Variants in CCDC187 observed in about 807,000 individuals in gnomAD.
CCDC187 encodes coiled-coil domain-containing protein 187.
CCDC187 carries 32 observed loss-of-function variants against 38.0 expected under a neutral mutation model. The ratio of observed to expected loss-of-function variants is 0.84; its 90% CI spans 0.64 to 1.13. CCDC187 has a LOEUF of 1.13. Among genes scored for constraint, CCDC187 ranks in the 50% most tolerant of loss-of-function variants. The pLI, the probability that CCDC187 is intolerant of heterozygous loss-of-function variation, is 0.00. For missense variants in CCDC187, 707 were observed against 786.8 expected (o/e 0.90, Z 1.21); for synonymous variants, 333 against 347.9 (o/e 0.96, Z 0.48).
intron 4 of CCDC187, chr9:136,295,732 G>C (rs1831518216): frequency 6.6e-6 from 1 of 152,186 alleles, no homozygotes; most frequent in Admixed American, 6.5e-5. Flanking sequence ...ACACTGTCAG[G>C]GTGACACGGT....
intron 4 of CCDC187, among the ~76,000 whole-genome samples, chr9:136,294,469 A>G (rs1241042223): frequency 6.6e-6 from 1 of 152,194 alleles, no homozygotes; most frequent in African/African-American, 2.4e-5. Context: ...GCCTGGGGTC[A>G]AGACCACTGT....
In CCDC187 at chr9:136,257,773, G is replaced by T. The variant is rs1451920596; in HGVS notation, c.4367-932C>A. Among the ~76,000 whole-genome samples, 1 of 152,250 alleles carries T rather than the reference G, an allele frequency of 6.6e-6. No individual in the cohort carries two copies. Reference sequence around the variant, plus strand: ...GGAAGCTCCATCAGTGGGAACACCTGCCCTCTTGTCCGTGGCTCCGGGTGA... The same window carrying T: ...GGAAGCTCCATCAGTGGGAACACCTTCCCTCTTGTCCGTGGCTCCGGGTGA... On this transcript the variant is annotated intron_variant, in intron 22 of 25. Coordinates refer to ENST00000638797, the MANE Select transcript of CCDC187 (RefSeq NM_001378188.1). This position sits in a 1 kb window ranked among gnomAD's most constrained non-coding sequence, Gnocchi z 4.5.
intron 6 of CCDC187, among the ~76,000 whole-genome samples, 179 bp downstream of exon 6, chr9:136,290,307 A>G (rs1831288092): frequency 6.6e-6 from 1 of 151,416 alleles, no homozygotes; most frequent in Non-Finnish European, 1.5e-5. Context: ...GGAGGCATCC[A>G]CAGAAGCTCT....
At chr9:136,261,919 A>G (rs1420470034) in intron 19 of CCDC187, among the ~76,000 whole-genome samples, 1 of 152,232 alleles carries the variant, frequency 6.6e-6, no homozygotes, top group Non-Finnish European at 1.5e-5. Context: ...AGCATCAGGA[A>G]GCCGGGAGGC....
chr9:136,250,625 G>A lies in CCDC187; in HGVS notation c.*2969C>T, dbSNP rs781847025. On this transcript the variant is annotated 3_prime_UTR_variant, in exon 26 of 26. Transcript: ENST00000638797. ...TGAGAAAGCTGTAGCTCAGCTCAAA[G>A]TTTGTTCTGAAATTGGGAGCATGGA... 3 of 403,560 alleles carry A rather than the reference G, an allele frequency of 7.4e-6. No individual in the cohort carries two copies. Among genetic ancestry groups the A allele is most frequent in the African/African-American group, 6.2e-5 (3 of 48,588 alleles). The allele number at this position is 403,560 out of a possible 1,614,324, so 25.0% of individuals were successfully genotyped here. A position where few individuals can be genotyped will look rare whatever the true frequency, so the allele number is the denominator to read the frequency against.
intron 18 of CCDC187, among the ~76,000 whole-genome samples, chr9:136,263,295 CAT>C (rs1554761223): frequency 3.5e-5 from 5 of 141,750 alleles, no homozygotes; most frequent in African/African-American, 5.2e-5. Flanking sequence ...AGTGCAGTGG[CAT>C]ATCTCGGCTC....
intron 18 of CCDC187, among the ~76,000 whole-genome samples, chr9:136,263,235 CTTT>C (rs35662036): frequency 1.1e-4 from 10 of 94,106 alleles, no homozygotes; most frequent in East Asian, 3.3e-4. Flanking sequence ...GGGCCACAGG[CTTT>C]TTTTTTTTTT....
In CCDC187 at chr9:136,259,431, G is replaced by C. The variant is rs1001396837; in HGVS notation, c.4228C>G (p.Arg1410Gly). ...HVSQEPGEQP[R>G]APLLGLQHVS... is the part of the protein sequence containing the mutation. Reference sequence around the variant, plus strand: ...TGCTGCAGGCCCAGCAGAGGGGCCCGAGGCTGCTCCCCAGGCTCTGAAAGA... The same window carrying C: ...TGCTGCAGGCCCAGCAGAGGGGCCCCAGGCTGCTCCCCAGGCTCTGAAAGA... The change falls in exon 21 of 26, where the codon CGG becomes GGG. Residue 1410 changes from arginine (R) to glycine (G), a missense_variant. Coordinates refer to ENST00000638797, the MANE Select transcript of CCDC187 (RefSeq NM_001378188.1). 1.0e-6 allele frequency: 1 copy of C among 985,530 alleles called. No homozygotes were observed. The highest frequency in any genetic ancestry group is 1.2e-6 in the Non-Finnish European group (1 of 830,130). The allele number at this position is 985,530 out of a possible 1,614,324, so 61.0% of individuals were successfully genotyped here. A position where few individuals can be genotyped will look rare whatever the true frequency, so the allele number is the denominator to read the frequency against.
Position 136,259,128 on chromosome 9 carries a change from G to A in CCDC187, c.4297-127C>T, listed in dbSNP as rs79765684. ...GGGGTGGATGGGGACAGCCGGGGGC[G>A]GACAGGGACAGATGGGGACAGGCAG... On this transcript the variant is annotated intron_variant, in intron 21 of 25. Transcript: ENST00000638797. 1,648 of 741,352 alleles carry A rather than the reference G, an allele frequency of 2.2e-3. 27 individuals carry two copies. The African/African-American group carries it at 0.028, about 13-fold the overall frequency. The allele number at this position is 741,352 out of a possible 1,614,324, so 45.9% of individuals were successfully genotyped here. A position where few individuals can be genotyped will look rare whatever the true frequency, so the allele number is the denominator to read the frequency against.
intron 20 of CCDC187, 104 bp from the exon 21 acceptor site, chr9:136,259,552 T>G: frequency 5.2e-6 from 2 of 386,566 alleles, no homozygotes; most frequent in South Asian, 1.1e-4. Context: ...GGGTGGGGGA[T>G]GGGGAGAGAC....
Position 136,251,016 on chromosome 9 carries a change from T to G in CCDC187, c.*2578A>C, listed in dbSNP as rs1554759301. ...CATCTTAGGGCTTTGCCACGCCAGC[T>G]TTGTGATGCCTCCCACCAGACTGCA... On this transcript the variant is annotated 3_prime_UTR_variant, in exon 26 of 26. Coordinates refer to ENST00000638797, the MANE Select transcript of CCDC187 (RefSeq NM_001378188.1). The G allele has an allele frequency of 4.4e-6, 2 of 456,256 alleles. No homozygotes were observed. Among genetic ancestry groups the G allele is most frequent in the Non-Finnish European group, 8.8e-6 (2 of 226,906 alleles). The allele number at this position is 456,256 out of a possible 1,614,324, so 28.3% of individuals were successfully genotyped here.
At position 136,256,160 on chromosome 9, in the gene CCDC187, C is replaced by T. The variant is rs1445972446; in HGVS notation, c.4616+51G>A. The stretch of plus-strand genomic sequence containing the variant: ...GGGGACAGGGGGTACCGGCTGAACC[C>T]GTCTCCGTGCCTCACGCTCCACCCC... On this transcript the variant is annotated intron_variant, in intron 24 of 25. Transcript: ENST00000638797. 8.6e-6 allele frequency: 8 copies of T among 935,256 alleles called. No homozygotes were observed. In the South Asian group the frequency reaches 2.5e-4, roughly 29 times the overall value. The allele number at this position is 935,256 out of a possible 1,614,324, so 57.9% of individuals were successfully genotyped here.
At position 136,290,810 on chromosome 9, in the gene CCDC187, C is replaced by T. The variant is rs2131305741; in HGVS notation, c.1803G>A (p.Leu601=). 1 of 398,532 alleles carries T rather than the reference C, an allele frequency of 2.5e-6. No individual in the cohort carries two copies. The highest frequency in any genetic ancestry group is 4.4e-6 in the Non-Finnish European group (1 of 225,986). 24.7% of individuals were successfully genotyped at this position (398,532 alleles called of 1,614,324 possible). A position where few individuals can be genotyped will look rare whatever the true frequency, so the allele number is the denominator to read the frequency against. Reference sequence around the variant, plus strand: ...GAGGGAAGCTCCCGGTGGGCCTTGGCAGGGCATGCTTGGCAGCCGAGACGG... The same window carrying T: ...GAGGGAAGCTCCCGGTGGGCCTTGGTAGGGCATGCTTGGCAGCCGAGACGG... ...GSPVSAAKHA[L]PRPTGSFPQN... The change falls in exon 6 of 26, where the codon CTG becomes CTA. Residue 601 remains leucine, a synonymous_variant. Coordinates refer to ENST00000638797, the MANE Select transcript of CCDC187 (RefSeq NM_001378188.1).
chr9:136,274,119 G>A (rs1830886740), intron 14 of CCDC187, among the ~76,000 whole-genome samples: 1 of 152,242 alleles, frequency 6.6e-6, no homozygotes, highest in Admixed American at 6.5e-5. Flanking sequence ...CCAGGGAGGG[G>A]TTCCTGTTCC....
chr9:136,281,952 C>T (rs1831054707), intron 9 of CCDC187, among the ~76,000 whole-genome samples: 1 of 152,136 alleles, frequency 6.6e-6, no homozygotes, highest in Non-Finnish European at 1.5e-5. Context: ...GGTGAAGCCA[C>T]CAGCCCACAT....
chr9:136,301,704 A>C (rs998345613), intron 2 of CCDC187, among the ~76,000 whole-genome samples: 12 of 148,796 alleles, frequency 8.1e-5, no homozygotes, highest in African/African-American at 3.0e-4. Context: ...CTCCTGCCTC[A>C]GCCTCCTGAG....
Position 136,258,251 on chromosome 9 carries a change from G to A in CCDC187, c.4366+681C>T, listed in dbSNP as rs992762879. Among the ~76,000 whole-genome samples the A allele has an allele frequency of 1.3e-5, 2 of 152,126 alleles. No individual in the cohort carries two copies. The highest frequency in any genetic ancestry group is 1.9e-4 in the East Asian group (1 of 5,186). On this transcript the variant is annotated intron_variant, in intron 22 of 25. Coordinates refer to ENST00000638797, the MANE Select transcript of CCDC187 (RefSeq NM_001378188.1). This position sits in a 1 kb window ranked among gnomAD's most constrained non-coding sequence, Gnocchi z 4.3. ...CCACAAGTGCTTCTGATCTCTTTCC[G>A]TCTCAACCCATCTGTCCTGAGGTTT...
intron 7 of CCDC187, among the ~76,000 whole-genome samples, chr9:136,288,500 C>T (rs1831234588): frequency 6.6e-6 from 1 of 152,200 alleles, no homozygotes; most frequent in African/African-American, 2.4e-5. Context: ...TCCCCCTGCC[C>T]GCTGGAACCC....
chr9:136,255,571 G>A, intron 25 of CCDC187, 86 bp downstream of exon 25: 2 of 550,952 alleles, frequency 3.6e-6, no homozygotes, highest in Non-Finnish European at 4.6e-6. Context: ...ATTGTGGGGA[G>A]AAGCTGGCTC....
Sources: allele counts gnomAD v4.1 joint callset (sites outside exome capture counted in the v4.1 genomes callset), GRCh38; gene constraint gnomAD v4.1.1; non-coding constraint Gnocchi (gnomAD v3.1); transcripts MANE v1.5; gene names NCBI Gene and HGNC (gene_info 2026-07-23, HGNC 2026-07-21).